Variants in SLC35F1 observed in about 807,000 individuals in gnomAD.
SLC35F1 encodes the protein chromosome 6 open reading frame 169.
Under a neutral mutation model 48.7 loss-of-function variants are expected in SLC35F1, and 14 were observed. That is an observed-to-expected ratio of 0.29 (90% confidence interval 0.19 to 0.45). The LOEUF is 0.45. Among genes scored for constraint, SLC35F1 ranks in the 20% least tolerant of loss-of-function variants. SLC35F1 has a pLI of 1.00. For missense variants in SLC35F1, 404 were observed against 500.0 expected, an observed-to-expected ratio of 0.81 and a Z score of 1.83; for synonymous variants, 190 against 202.2, an observed-to-expected ratio of 0.94 and a Z score of 0.51.
intron 2 of SLC35F1, among the ~76,000 whole-genome samples, chr6:118,190,159 T>C (rs2114521545): frequency 6.6e-6 from 1 of 152,326 alleles, no homozygotes; most frequent in Non-Finnish European, 1.5e-5. Flanking sequence ...ATGCCACTAT[T>C]ACCTTGTAAA....
intron 1 of SLC35F1, among the ~76,000 whole-genome samples, chr6:118,146,453 G>A (rs1292676631): frequency 6.6e-6 from 1 of 152,010 alleles, no homozygotes; most frequent in Non-Finnish European, 1.5e-5. Context: ...GAGACAGTAG[G>A]GCATTCCCTT....
chr6:118,262,321 G>C (rs1357772519), intron 3 of SLC35F1, among the ~76,000 whole-genome samples: 2 of 152,110 alleles, frequency 1.3e-5, no homozygotes, highest in Middle Eastern at 3.4e-3. Flanking sequence ...GTGCAGGAGA[G>C]GGCATAACCA....
intron 1 of SLC35F1, among the ~76,000 whole-genome samples, chr6:117,934,925 T>C (rs1776146230): frequency 6.6e-6 from 1 of 152,084 alleles, no homozygotes; most frequent in African/African-American, 2.4e-5. Flanking sequence ...CTGGCCAGCA[T>C]GGTGAAACCC....
chr6:118,009,209 A>T (rs1251664076), intron 1 of SLC35F1, among the ~76,000 whole-genome samples: 1 of 152,206 alleles, frequency 6.6e-6, no homozygotes, highest in Non-Finnish European at 1.5e-5. Flanking sequence ...GGAGAACACA[A>T]CAGATCTGGC....
intron 1 of SLC35F1, among the ~76,000 whole-genome samples, chr6:117,957,001 C>G (rs994404938): frequency 2.6e-5 from 4 of 152,124 alleles, no homozygotes; most frequent in Non-Finnish European, 4.4e-5. Context: ...TCTAAGCCTG[C>G]GGTGATGACT....
intron 2 of SLC35F1, among the ~76,000 whole-genome samples, chr6:118,226,107 G>T (rs970239748): frequency 6.6e-6 from 1 of 152,050 alleles, no homozygotes; most frequent in Non-Finnish European, 1.5e-5. Context: ...TGGCCAACAG[G>T]TACATGAAAA....
At chr6:118,092,178 G>A (rs546950925) in intron 1 of SLC35F1, among the ~76,000 whole-genome samples, 1 of 152,300 alleles carries the variant, frequency 6.6e-6, no homozygotes, top group East Asian at 1.9e-4. Flanking sequence ...TCCAGGGCAT[G>A]TCAGAGACCT....
intron 2 of SLC35F1, among the ~76,000 whole-genome samples, chr6:118,165,694 A>G (rs549358182): frequency 4.8e-4 from 73 of 152,296 alleles, no homozygotes; most frequent in African/African-American, 1.7e-3. Flanking sequence ...CTGCTGACCG[A>G]GGTACATGTC....
chr6:118,275,729 G>A, intron 5 of SLC35F1, 114 bp downstream of exon 5: 1 of 910,648 alleles, frequency 1.1e-6, no homozygotes, highest in South Asian at 1.8e-5. Context: ...CCAGCTTCCT[G>A]TACAAAGGAC....
At chr6:117,968,863 ACT>A (rs1281617006) in intron 1 of SLC35F1, among the ~76,000 whole-genome samples, 1 of 152,102 alleles carries the variant, frequency 6.6e-6, no homozygotes, top group Non-Finnish European at 1.5e-5. Context: ...TGGGAAAATA[ACT>A]CTGCTCACAG....
intron 1 of SLC35F1, among the ~76,000 whole-genome samples, chr6:118,103,336 G>A (rs1773284998): frequency 6.6e-6 from 1 of 152,104 alleles, no homozygotes; most frequent in Non-Finnish European, 1.5e-5. Context: ...TGTTACATAT[G>A]TATACATGTG....
intron 2 of SLC35F1, among the ~76,000 whole-genome samples, chr6:118,187,182 C>T (rs1774668552): frequency 6.6e-6 from 1 of 152,214 alleles, no homozygotes; most frequent in Admixed American, 6.5e-5. Flanking sequence ...ACTAGGCAGG[C>T]ATGTGAATGT....
At chr6:117,923,372 G>A (rs987018009) in intron 1 of SLC35F1, among the ~76,000 whole-genome samples, 14 of 151,584 alleles carry the variant, frequency 9.2e-5, no homozygotes, top group African/African-American at 2.9e-4. Context: ...GCTAAGCTCC[G>A]AAGAAGGAAT....
intron 1 of SLC35F1, among the ~76,000 whole-genome samples, chr6:117,912,675 T>A (rs1277861763): frequency 6.6e-6 from 1 of 152,150 alleles, no homozygotes; most frequent in Non-Finnish European, 1.5e-5. Flanking sequence ...TTTTCTAAGA[T>A]CAGTAGTAAA....
intron 1 of SLC35F1, among the ~76,000 whole-genome samples, chr6:118,012,325 GGAAAAAA>G (rs1330318706): frequency 3.4e-5 from 4 of 118,052 alleles, no homozygotes; most frequent in African/African-American, 1.3e-4. Context: ...CAATAAATGG[GGAAAAAA>G]AAAAAAAAGA....
chr6:118,118,358 A>G (rs1388479503), intron 1 of SLC35F1, among the ~76,000 whole-genome samples: 2 of 152,136 alleles, frequency 1.3e-5, no homozygotes, highest in Admixed American at 1.3e-4. Context: ...AACTCATTCT[A>G]TTTATCATAG....
chr6:118,205,628 AC>A (rs1774925702), intron 2 of SLC35F1, among the ~76,000 whole-genome samples: 2 of 152,356 alleles, frequency 1.3e-5, no homozygotes, highest in South Asian at 4.1e-4. Context: ...ATATGAGCCA[AC>A]CATTCCACTT....
chr6:118,290,340 T>G (rs1399916172), intron 7 of SLC35F1, among the ~76,000 whole-genome samples: 5 of 152,102 alleles, frequency 3.3e-5, no homozygotes, highest in African/African-American at 1.2e-4. Context: ...AAGCAGTACA[T>G]GCAAAGCCCT....
rs1037184983 is a variant in SLC35F1, at chr6:117,907,600, C to T, written c.-127C>T. On this transcript the variant is annotated 5_prime_UTR_variant, in exon 1 of 8. Transcript: ENST00000360388. The stretch of plus-strand genomic sequence containing the variant: ...CGGGTGCCTCCCCGCCTCACCGCTT[C>T]GCAGGCAGCACCGCCTCCCGGGCCG... The T allele has an allele frequency of 7.7e-5, 37 of 482,708 alleles. No homozygotes were observed. The highest frequency in any genetic ancestry group is 6.6e-4 in the African/African-American group (32 of 48,646). 29.9% of individuals were successfully genotyped at this position (482,708 alleles called of 1,614,324 possible). A position where few individuals can be genotyped will look rare whatever the true frequency, so the allele number is the denominator to read the frequency against.
Sources: allele counts gnomAD v4.1 joint callset (sites outside exome capture counted in the v4.1 genomes callset), GRCh38; gene constraint gnomAD v4.1.1; transcripts MANE v1.5; gene names NCBI Gene and HGNC (gene_info 2026-07-23, HGNC 2026-07-21).